Variants in DNTTIP1 observed in about 807,000 individuals in gnomAD.
DNTTIP1 encodes the protein deoxynucleotidyltransferase terminal-interacting protein 1.
A neutral mutation model predicts 52.9 loss-of-function variants in DNTTIP1; 22 were observed. The ratio of observed to expected loss-of-function variants is 0.42; its 90% CI spans 0.30 to 0.59. DNTTIP1 has a LOEUF of 0.59. Among genes scored for constraint, DNTTIP1 ranks in the 20% least tolerant of loss-of-function variants. The pLI is 0.22. For synonymous variants in DNTTIP1, 136 were observed against 155.1 expected (o/e 0.88, Z 0.92); for missense variants, 286 against 435.5 (o/e 0.66, Z 3.06).
intron 4 of DNTTIP1, among the ~76,000 whole-genome samples, chr20:45,798,117 T>C (rs1295400100): frequency 6.6e-6 from 1 of 152,058 alleles, no homozygotes; most frequent in Non-Finnish European, 1.5e-5. Context: ...ATTAAGAAAA[T>C]GTGGCACATA....
At chr20:45,806,896 T>C (rs929963762) in intron 10 of DNTTIP1, among the ~76,000 whole-genome samples, 3 of 152,198 alleles carry the variant, frequency 2.0e-5, no homozygotes, top group African/African-American at 7.2e-5. Flanking sequence ...GTTTGTATCA[T>C]CCCCAAAATC....
rs1753322730 is a variant in DNTTIP1 at position 45,809,418 on chromosome 20, C to T, written c.795+233C>T. ...CCCCTCACACTTTTACCTCATGCCTCCAAGATCACATATTTGGATACTATT... is the reference window on the plus strand; with the variant it reads ...CCCCTCACACTTTTACCTCATGCCTTCAAGATCACATATTTGGATACTATT... On this transcript the variant is annotated intron_variant, in intron 11 of 12. Transcript: ENST00000372622. This position sits in a 1 kb window ranked among gnomAD's most constrained non-coding sequence, Gnocchi z 4.2. Among the ~76,000 whole-genome samples, 1 of 152,206 alleles carries T rather than the reference C, an allele frequency of 6.6e-6. No homozygotes were observed. Among genetic ancestry groups the T allele is most frequent in the African/African-American group, 2.4e-5 (1 of 41,442 alleles).
chr20:45,804,418 A>G (rs1981570283), intron 8 of DNTTIP1, among the ~76,000 whole-genome samples: 1 of 151,782 alleles, frequency 6.6e-6, no homozygotes, highest in African/African-American at 2.4e-5. Flanking sequence ...AGCGGCCTCT[A>G]AACTGCTCTC....
chr20:45,809,190 G>T lies in DNTTIP1; in HGVS notation c.795+5G>T, dbSNP rs1301064953. 3 of 1,613,850 alleles carry T rather than the reference G, an allele frequency of 1.9e-6. No individual in the cohort carries two copies. The African/African-American group carries it at 4.0e-5, about 22-fold the overall frequency. ...CGGGCAACAGGGGGCAAGATGGTAAGCATTATTCATTTGTGCCACTGCCAG... is the reference window on the plus strand; with the variant it reads ...CGGGCAACAGGGGGCAAGATGGTAATCATTATTCATTTGTGCCACTGCCAG... On this transcript the variant is annotated splice_donor_5th_base_variant and intron_variant, in intron 11 of 12. Transcript: ENST00000372622. This position sits in a 1 kb window ranked among gnomAD's most constrained non-coding sequence, Gnocchi z 4.2.
intron 6 of DNTTIP1, 65 bp downstream of exon 6, chr20:45,801,523 C>G (rs1186363131): frequency 6.4e-7 from 1 of 1,563,452 alleles, no homozygotes; most frequent in African/African-American, 1.4e-5. Context: ...TGTGGTGGCT[C>G]ACACCTGTAA....
chr20:45,805,808 G>A (rs954642959), intron 10 of DNTTIP1, among the ~76,000 whole-genome samples: 5 of 152,212 alleles, frequency 3.3e-5, no homozygotes, highest in Non-Finnish European at 7.3e-5. Context: ...TTTGGGCCAG[G>A]TGCGTGAGCT....
At position 45,805,514 on chromosome 20, in the gene DNTTIP1, C is replaced by T. The variant is rs1981606425; in HGVS notation, c.723+148C>T. On this transcript the variant is annotated intron_variant, in intron 10 of 12. Coordinates refer to ENST00000372622, the MANE Select transcript of DNTTIP1 (RefSeq NM_052951.3). ...GCCTCTGCCATTCACCTTTCCCTTT[C>T]ATGATTTACTCAACACCTCTGTGCC... The T allele has an allele frequency of 9.2e-6, 8 of 871,450 alleles. 1 individual carries two copies. In the South Asian group the frequency reaches 1.5e-4, roughly 16 times the overall value. The allele number at this position is 871,450 out of a possible 1,614,324, so 54.0% of individuals were successfully genotyped here. A position where few individuals can be genotyped will look rare whatever the true frequency, so the allele number is the denominator to read the frequency against.
At chr20:45,801,313 C>A in intron 5 of DNTTIP1, 89 bp from the exon 6 acceptor site, 1 of 1,493,630 alleles carries the variant, frequency 6.7e-7, no homozygotes. Flanking sequence ...GGCTGGAGAG[C>A]TGTAGTCCAG....
chr20:45,800,960 C>CTCCA, intron 4 of DNTTIP1, 114 bp from the exon 5 acceptor site: 1 of 884,346 alleles, frequency 1.1e-6, no homozygotes, highest in South Asian at 1.5e-5. Flanking sequence ...TGCTGCTGCA[C>CTCCA]TCCAGCCTGA....
intron 1 of DNTTIP1, 28 bp downstream of exon 1, chr20:45,792,137 C>G: frequency 4.9e-6 from 6 of 1,224,940 alleles, no homozygotes; most frequent in Non-Finnish European, 6.2e-6. Context: ...GAGGTCTGGG[C>G]TCAGGCCGGG....
At chr20:45,803,409 G>C (rs780040908) in intron 8 of DNTTIP1, 31 bp downstream of exon 8, 1 of 1,612,870 alleles carries the variant, frequency 6.2e-7, no homozygotes, top group Non-Finnish European at 8.5e-7. Context: ...CAGAGATCAC[G>C]ATCCCAGGAG....
intron 3 of DNTTIP1, among the ~76,000 whole-genome samples, 170 bp downstream of exon 3, chr20:45,794,187 C>T (rs926443792): frequency 6.6e-6 from 1 of 152,204 alleles, no homozygotes; most frequent in African/African-American, 2.4e-5. Flanking sequence ...CTCACTCTGT[C>T]ACCCAGGCTG....
rs757096018 is a variant in DNTTIP1, at chr20:45,792,697, A to G, written c.126A>G (p.Ile42Met). ...CACAGAACCCTTGGAACATAATGAT[A>G]AAGCACCGGCAGGTGCAGCGGAGGG... ...LVLTNPWNIM[I>M]KHRQVQRRGR... Residue 42 changes from isoleucine to methionine, a missense_variant, in exon 2 of 13, where the codon ATA becomes ATG. Physicochemically the swap from Ile to Met is conservative, Grantham distance 10. Coordinates refer to ENST00000372622, the MANE Select transcript of DNTTIP1 (RefSeq NM_052951.3). 1 of 1,612,244 alleles carries G rather than the reference A, an allele frequency of 6.2e-7. No individual in the cohort carries two copies. Among genetic ancestry groups the G allele is most frequent in the African/African-American group, 1.3e-5 (1 of 74,818 alleles).
At chr20:45,804,916 CAT>C (rs1981583744) in intron 8 of DNTTIP1, among the ~76,000 whole-genome samples, 1 of 152,166 alleles carries the variant, frequency 6.6e-6, no homozygotes, top group Non-Finnish European at 1.5e-5. Flanking sequence ...ATTATCTGTA[CAT>C]ATGTTGGTGG....
At chr20:45,795,308 C>T (rs1981200728) in intron 3 of DNTTIP1, 37 bp from the exon 4 acceptor site, 1 of 1,286,522 alleles carries the variant, frequency 7.8e-7, no homozygotes, top group Non-Finnish European at 1.1e-6. Flanking sequence ...TGCACATTAA[C>T]AGGACTCTGA....
At position 45,809,046 on chromosome 20, in the gene DNTTIP1, T is replaced by C. The variant is rs1950693243; in HGVS notation, c.724-68T>C. 2.1e-6 allele frequency: 3 copies of C among 1,404,916 alleles called. No homozygotes were observed. The highest frequency in any genetic ancestry group is 1.7e-5 in the Admixed American group (1 of 58,626). 87.0% of individuals were successfully genotyped at this position (1,404,916 alleles called of 1,614,324 possible). ...AAGAACTGCTCAAGGGCCAAGAGTA[T>C]GCTCTGGGACCAAATGAGAAAAGCC... On this transcript the variant is annotated intron_variant, in intron 10 of 12. Coordinates refer to ENST00000372622, the MANE Select transcript of DNTTIP1 (RefSeq NM_052951.3). This position sits in a 1 kb window ranked among gnomAD's most constrained non-coding sequence, Gnocchi z 4.2.
At chr20:45,795,140 C>T (rs1184858284) in intron 3 of DNTTIP1, among the ~76,000 whole-genome samples, 1 of 152,098 alleles carries the variant, frequency 6.6e-6, no homozygotes, top group African/African-American at 2.4e-5. Context: ...TGGGCACCCC[C>T]ACGATTATAT....
Position 45,809,260 on chromosome 20 carries a change from G to C in DNTTIP1, c.795+75G>C. On this transcript the variant is annotated intron_variant, in intron 11 of 12. Coordinates refer to ENST00000372622, the MANE Select transcript of DNTTIP1 (RefSeq NM_052951.3). This position sits in a 1 kb window ranked among gnomAD's most constrained non-coding sequence, Gnocchi z 4.2. ...ACCAGGATTTTGGCTGTGGGTGACA[G>C]CCTACCTCCAAATCTGACTTCCAAA... 1 of 1,315,528 alleles carries C rather than the reference G, an allele frequency of 7.6e-7. No individual in the cohort carries two copies. The allele number at this position is 1,315,528 out of a possible 1,614,324, so 81.5% of individuals were successfully genotyped here.
At chr20:45,796,591 G>A (rs1052102256) in intron 4 of DNTTIP1, 3 of 470,082 alleles carry the variant, frequency 6.4e-6, no homozygotes, top group African/African-American at 6.0e-5. Flanking sequence ...AGATAGTAGA[G>A]AACCTGTTTA....
Sources: gnomAD v4.1 joint callset for allele counts (sites outside exome capture counted in the v4.1 genomes callset) on GRCh38, gnomAD v4.1.1 for gene constraint, Gnocchi (gnomAD v3.1) non-coding constraint, MANE v1.5 for transcripts, NCBI Gene and HGNC (gene_info 2026-07-23, HGNC 2026-07-21) for gene names.